CSMD3: variants seen among roughly 807,000 people sequenced by gnomAD.
The protein encoded by CSMD3 is CUB and Sushi multiple domains 3, also known as CUB and sushi domain-containing protein 3.
CSMD3 carries 177 observed loss-of-function variants against 435.2 expected under a neutral mutation model. That is an observed-to-expected ratio of 0.41 (90% CI 0.36 to 0.46). CSMD3 has a LOEUF of 0.46. Among genes scored for constraint, CSMD3 ranks in the 20% least tolerant of loss-of-function variants. The pLI is 0.34. For synonymous variants in CSMD3, 1,656 were observed against 1,520.5 expected (o/e 1.09, Z -2.07); for missense variants, 4,265 against 4,504.6 (o/e 0.95, Z 1.52).
chr8:113,321,592 C>CA (rs1057300940), intron 1 of CSMD3, among the ~76,000 whole-genome samples: 1 of 152,002 alleles, frequency 6.6e-6, no homozygotes, highest in African/African-American at 2.4e-5. Context: ...CTAAGTCTTT[C>CA]AAAAATTTGC....
intron 1 of CSMD3, among the ~76,000 whole-genome samples, chr8:113,360,885 T>A (rs1251822725): frequency 2.0e-5 from 3 of 152,220 alleles, no homozygotes; most frequent in African/African-American, 7.2e-5. Context: ...GACTTCAGTC[T>A]TAATGAAATT....
At chr8:112,927,350 T>C (rs1169420461) in intron 9 of CSMD3, among the ~76,000 whole-genome samples, 2 of 152,130 alleles carry the variant, frequency 1.3e-5, no homozygotes, top group East Asian at 1.9e-4. Flanking sequence ...ATTTGAATTA[T>C]TTCTTTCTTA....
chr8:113,080,662 CAG>C (rs1328115005), intron 5 of CSMD3, among the ~76,000 whole-genome samples: 1 of 152,110 alleles, frequency 6.6e-6, no homozygotes, highest in African/African-American at 2.4e-5. Flanking sequence ...ACAAAAAGCA[CAG>C]AGTCAGTGAA....
intron 11 of CSMD3, among the ~76,000 whole-genome samples, chr8:112,831,557 G>GTTT (rs5894109): frequency 6.3e-5 from 9 of 142,998 alleles, no homozygotes; most frequent in East Asian, 4.1e-4. Context: ...ATGTAAAAGT[G>GTTT]TTTTTTTTTT....
chr8:112,755,049 G>A (rs1006989926), intron 13 of CSMD3, among the ~76,000 whole-genome samples: 44 of 152,184 alleles, frequency 2.9e-4, no homozygotes, highest in Non-Finnish European at 4.9e-4. Context: ...TAATGAGGGC[G>A]GGCCAGGCGA....
At chr8:112,683,071 G>A (rs1416905964) in intron 15 of CSMD3, among the ~76,000 whole-genome samples, 1 of 151,530 alleles carries the variant, frequency 6.6e-6, no homozygotes, top group South Asian at 2.1e-4. Context: ...TAGAGAGAGT[G>A]AGTCTCATCT....
At chr8:113,223,762 ATG>A (rs373938091) in intron 3 of CSMD3, among the ~76,000 whole-genome samples, 44 of 95,204 alleles carry the variant, frequency 4.6e-4, no homozygotes, top group Middle Eastern at 5.5e-3. Flanking sequence ...ATGTGTGTGT[ATG>A]TGTGTGTGTG....
At chr8:112,682,370 A>G (rs2131783988) in intron 16 of CSMD3, 72 bp downstream of exon 16, 1 of 1,036,150 alleles carries the variant, frequency 9.7e-7, no homozygotes, top group South Asian at 1.3e-5. Flanking sequence ...TGGTAGGATA[A>G]TGTGTTTCTT....
intron 4 of CSMD3, among the ~76,000 whole-genome samples, chr8:113,144,899 A>G (rs185852414): frequency 6.6e-6 from 1 of 151,802 alleles, no homozygotes; most frequent in Admixed American, 6.6e-5. Flanking sequence ...ACAAATATAA[A>G]GATTGTGAGA....
intron 4 of CSMD3, among the ~76,000 whole-genome samples, chr8:113,132,256 A>T (rs915333158): frequency 2.0e-5 from 3 of 152,128 alleles, no homozygotes; most frequent in Admixed American, 6.6e-5. Context: ...GTCAGGGGGT[A>T]CTGTTGAGAA....
intron 4 of CSMD3, among the ~76,000 whole-genome samples, chr8:113,126,671 G>A (rs2091141360): frequency 6.6e-6 from 1 of 151,880 alleles, no homozygotes; most frequent in Non-Finnish European, 1.5e-5. Flanking sequence ...AGCAGAAGGA[G>A]GAGGAAGGGG....
intron 4 of CSMD3, among the ~76,000 whole-genome samples, chr8:113,146,876 G>T (rs935353898): frequency 6.6e-6 from 1 of 151,610 alleles, no homozygotes; most frequent in Admixed American, 6.6e-5. Flanking sequence ...AGTGTTCCTT[G>T]CTAGTTGATA....
At chr8:113,318,878 C>T (rs2093929676) in intron 1 of CSMD3, among the ~76,000 whole-genome samples, 2 of 150,688 alleles carry the variant, frequency 1.3e-5, no homozygotes, top group African/African-American at 4.9e-5. Context: ...CTTTTTAAGG[C>T]TGAATAAGAT....
At chr8:113,037,469 C>T (rs926412833) in intron 5 of CSMD3, among the ~76,000 whole-genome samples, 1 of 151,972 alleles carries the variant, frequency 6.6e-6, no homozygotes, top group African/African-American at 2.4e-5. Flanking sequence ...CATTATTTAT[C>T]TTTTTATTTT....
chr8:113,376,523 C>T, intron 1 of CSMD3: 3 of 549,738 alleles, frequency 5.5e-6, no homozygotes, highest in Non-Finnish European at 6.4e-6. Flanking sequence ...CAAATTCTGT[C>T]TTCTGTCTTT....
intron 9 of CSMD3, among the ~76,000 whole-genome samples, chr8:112,935,786 T>G (rs1014143956): frequency 6.6e-6 from 1 of 152,044 alleles, no homozygotes; most frequent in Admixed American, 6.6e-5. Flanking sequence ...TGAAGAATTT[T>G]AAGCAGAAAA....
chr8:112,392,819 TC>T (rs35159592), intron 35 of CSMD3, among the ~76,000 whole-genome samples: 1 of 151,592 alleles, frequency 6.6e-6, no homozygotes, highest in Non-Finnish European at 1.5e-5. Context: ...TTCAAAAATT[TC>T]CCCATTGTCT....
At chr8:112,511,863 T>G (rs1823179913) in intron 28 of CSMD3, among the ~76,000 whole-genome samples, 1 of 152,192 alleles carries the variant, frequency 6.6e-6, no homozygotes, top group African/African-American at 2.4e-5. Flanking sequence ...AGTTCTTTGT[T>G]GTCATTTCAA....
intron 59 of CSMD3, among the ~76,000 whole-genome samples, chr8:112,273,064 T>A (rs929394241): frequency 6.6e-6 from 1 of 152,178 alleles, no homozygotes; most frequent in Admixed American, 6.5e-5. Flanking sequence ...TCCTTATACT[T>A]TTCCTATGTT....
Sources: allele counts gnomAD v4.1 joint callset (sites outside exome capture counted in the v4.1 genomes callset), GRCh38; gene constraint gnomAD v4.1.1; transcripts MANE v1.5; gene names NCBI Gene and HGNC (gene_info 2026-07-23, HGNC 2026-07-21).